Variants in FBXO31 observed in about 807,000 individuals in gnomAD.
FBXO31 encodes F-box only protein 31.
FBXO31 carries 24 observed loss-of-function variants against 54.4 expected under a neutral mutation model. The observed-to-expected ratio is 0.44, with a 90% CI of 0.32 to 0.62. The LOEUF (loss-of-function observed/expected upper bound fraction) is 0.62. Ranked by LOEUF, FBXO31 falls within the 20% of genes least tolerant of loss-of-function variation. The probability of loss-of-function intolerance (pLI) is 0.05; values close to 1 mark genes in which losing one functional copy is unlikely to be tolerated. For synonymous variants in FBXO31, 388 were observed against 335.6 expected (o/e 1.16, Z -1.71); for missense variants, 665 against 787.1 (o/e 0.84, Z 1.86).
upstream of FBXO31, among the ~76,000 whole-genome samples, chr16:87,391,298 C>T (rs904949464): frequency 2.6e-5 from 4 of 152,166 alleles, no homozygotes. Flanking sequence ...CAGAGCAAGA[C>T]CCTGTCTCAA....
At chr16:87,349,609 G>A (rs1486861121) in intron 2 of FBXO31, among the ~76,000 whole-genome samples, 1 of 152,152 alleles carries the variant, frequency 6.6e-6, no homozygotes, top group Admixed American at 6.5e-5. Flanking sequence ...TACTCGGGAG[G>A]CTGAGGCAGG....
intron 1 of FBXO31, among the ~76,000 whole-genome samples, chr16:87,379,741 C>A (rs978365507): frequency 6.6e-6 from 1 of 151,898 alleles, no homozygotes; most frequent in African/African-American, 2.4e-5. Flanking sequence ...ACGCCCACCA[C>A]CACACCCAGC....
At chr16:87,351,294 G>T (rs567333091) in intron 2 of FBXO31, among the ~76,000 whole-genome samples, 1 of 152,348 alleles carries the variant, frequency 6.6e-6, no homozygotes, top group South Asian at 2.1e-4. Context: ...ACGTACGAGT[G>T]TGAGCGTGAT....
At chr16:87,355,586 A>G (rs890435782) in intron 2 of FBXO31, among the ~76,000 whole-genome samples, 1 of 152,210 alleles carries the variant, frequency 6.6e-6, no homozygotes. Context: ...TAAATTTTTC[A>G]AGTTTTCTAC....
At chr16:87,356,809 G>A (rs145513689) in intron 2 of FBXO31, among the ~76,000 whole-genome samples, 3 of 152,304 alleles carry the variant, frequency 2.0e-5, no homozygotes, top group African/African-American at 7.2e-5. Flanking sequence ...TGGGCCATCG[G>A]GGTGGACTGA....
At chr16:87,363,679 T>C (rs192489634) in intron 1 of FBXO31, among the ~76,000 whole-genome samples, 68 of 152,312 alleles carry the variant, frequency 4.5e-4, no homozygotes, top group African/African-American at 1.5e-3. Context: ...GGTTAAGTGC[T>C]ACGGGGAAAT....
In FBXO31 at chr16:87,383,442, G is replaced by T. The variant is rs1027381639; in HGVS notation, c.303C>A (p.Leu101=). The T allele has an allele frequency of 3.2e-6, 5 of 1,586,650 alleles. No individual in the cohort carries two copies. Among genetic ancestry groups the T allele is most frequent in the Non-Finnish European group, 4.3e-6 (5 of 1,170,438 alleles). Residue 101 remains leucine, a synonymous_variant, in exon 1 of 9, where the codon CTC becomes CTA. Coordinates refer to ENST00000311635, the MANE Select transcript of FBXO31 (RefSeq NM_024735.5). This position sits in a 1 kb window ranked among gnomAD's most constrained non-coding sequence, Gnocchi z 4.9. ...GCCTCCTCCAGATGGTGTCGGTGTGGAGGATGCGCCGGAACTTCGTGCAGA... is the reference window on the plus strand; with the variant it reads ...GCCTCCTCCAGATGGTGTCGGTGTGTAGGATGCGCCGGAACTTCGTGCAGA... ...AQVCTKFRRI[L]HTDTIWRRRC... is the part of the protein sequence containing the mutation.
At chr16:87,372,107 C>T (rs1204392371) in intron 1 of FBXO31, among the ~76,000 whole-genome samples, 1 of 152,086 alleles carries the variant, frequency 6.6e-6, no homozygotes, top group South Asian at 2.1e-4. Flanking sequence ...GCATGTAGTC[C>T]TAGCTACTGG....
intron 1 of FBXO31, among the ~76,000 whole-genome samples, chr16:87,365,508 T>C (rs1054404156): frequency 1.1e-4 from 16 of 152,220 alleles, no homozygotes; most frequent in Non-Finnish European, 2.2e-4. Context: ...TCCAGGGACC[T>C]GCAGCATGGC....
upstream of FBXO31, chr16:87,384,118 C>T (rs1173038611): frequency 6.4e-6 from 1 of 155,868 alleles, no homozygotes; most frequent in Non-Finnish European, 1.4e-5. Flanking sequence ...CTTCGCGCCG[C>T]GGCTTTTGTG....
chr16:87,391,664 C>T (rs891165025), upstream of FBXO31: 2 of 152,378 alleles, frequency 1.3e-5, no homozygotes, highest in African/African-American at 2.4e-5. Flanking sequence ...AGAATGAAGG[C>T]TCGGGACAAA....
intron 1 of FBXO31, among the ~76,000 whole-genome samples, chr16:87,360,768 C>G (rs1906096648): frequency 6.6e-6 from 1 of 152,192 alleles, no homozygotes; most frequent in African/African-American, 2.4e-5. Context: ...GTGCCAGAGG[C>G]CAGTCCACCC....
intron 1 of FBXO31, among the ~76,000 whole-genome samples, chr16:87,369,954 C>T (rs188031478): frequency 2.0e-5 from 3 of 152,358 alleles, no homozygotes; most frequent in Admixed American, 2.0e-4. Context: ...TCCAGCTACA[C>T]TGAAGCTGTG....
intron 3 of FBXO31, among the ~76,000 whole-genome samples, chr16:87,344,892 C>CGGG (rs1905314297): frequency 2.3e-5 from 3 of 132,370 alleles, no homozygotes; most frequent in Non-Finnish European, 3.3e-5. Flanking sequence ...ACCCCACCTC[C>CGGG]GGCAGCGCCC....
chr16:87,350,231 G>A (rs543541386), intron 2 of FBXO31, among the ~76,000 whole-genome samples: 9 of 152,226 alleles, frequency 5.9e-5, no homozygotes, highest in East Asian at 5.8e-4. Flanking sequence ...AAGCCAGGAC[G>A]GCAGCAAGTA....
chr16:87,366,948 CAGA>C (rs942421787), intron 1 of FBXO31: 1 of 152,254 alleles, frequency 6.6e-6, no homozygotes, highest in Admixed American at 6.5e-5. Context: ...GAGGCCAAGG[CAGA>C]AGGCTTGCTT....
rs190415542 is a variant in FBXO31 at position 87,381,135 on chromosome 16, G to A, written c.340+2270C>T. 4.0e-3 allele frequency among the ~76,000 whole-genome samples: 611 copies of A among 152,212 alleles called. 1 individual carries two copies. The highest frequency in any genetic ancestry group is 0.014 in the African/African-American group (577 of 41,524). ...TAGACTTCACAGGGAAAGAGAAAGT[G>A]GAACTGCCTTTGTCTCAATCTTAAA... On this transcript the variant is annotated intron_variant, in intron 1 of 8. Coordinates refer to ENST00000311635, the MANE Select transcript of FBXO31 (RefSeq NM_024735.5).
At chr16:87,391,531 G>GC (rs1452364505), upstream of FBXO31, 2 of 152,366 alleles carry the variant, frequency 1.3e-5, no homozygotes, top group African/African-American at 4.8e-5. Flanking sequence ...GGTAGACAGG[G>GC]CGGCTAGCGA....
intron 2 of FBXO31, among the ~76,000 whole-genome samples, chr16:87,357,235 C>A (rs560887864): frequency 6.6e-6 from 1 of 151,548 alleles, no homozygotes; most frequent in East Asian, 1.9e-4. Context: ...ACAAGACAGA[C>A]CCTGTCTCAA....
Sources: gnomAD v4.1 joint callset for allele counts (sites outside exome capture counted in the v4.1 genomes callset) on GRCh38, gnomAD v4.1.1 for gene constraint, Gnocchi (gnomAD v3.1) non-coding constraint, MANE v1.5 for transcripts, NCBI Gene and HGNC (gene_info 2026-07-23, HGNC 2026-07-21) for gene names.